Variants in CEMIP observed in about 807,000 individuals in gnomAD.
The protein encoded by CEMIP is cell migration inducing hyaluronidase 1, also known as cell migration-inducing and hyaluronan-binding protein.
A neutral mutation model predicts 156.9 loss-of-function variants in CEMIP; 105 were observed. The ratio of observed to expected loss-of-function variants is 0.67; its 90% CI spans 0.57 to 0.79. CEMIP has a LOEUF of 0.79. Ranked by LOEUF, CEMIP falls within the 30% of genes least tolerant of loss-of-function variation. The pLI is 0.00. For synonymous variants in CEMIP, 676 were observed against 668.4 expected (o/e 1.01, Z -0.17); for missense variants, 1,457 against 1,769.4 (o/e 0.82, Z 3.17).
intron 22 of CEMIP, 44 bp from the exon 23 acceptor site, chr15:80,933,201 C>T (rs1231347725): frequency 1.9e-5 from 30 of 1,547,700 alleles, no homozygotes; most frequent in Middle Eastern, 3.4e-4. Flanking sequence ...CTGCAGTTTC[C>T]CTTCACCTTC....
In CEMIP at chr15:80,929,118, T is replaced by G. The variant is rs1278631050; in HGVS notation, c.2556T>G (p.Asn852Lys). The change falls in exon 21 of 30, where the codon AAT becomes AAG. Residue 852 changes from asparagine to lysine, a missense_variant. By Grantham distance (94) the Asn-to-Lys change is moderately conservative. Around this residue, in one of 5 missense-constraint regions of CEMIP, gnomAD observed 798 missense variants for 980.1 expected, o/e 0.81. Transcript: ENST00000394685. Reference sequence around the variant, plus strand: ...ACGTGGGGACGGAAATGATGGACAATAGGATCTGGGGCCCTGGCGGCTTGG... The same window carrying G: ...ACGTGGGGACGGAAATGATGGACAAGAGGATCTGGGGCCCTGGCGGCTTGG... ...SGNVGTEMMD[N>K]RIWGPGGLDH... is the part of the protein sequence containing the mutation. 5.0e-6 allele frequency: 8 copies of G among 1,614,182 alleles called. No individual in the cohort carries two copies. The South Asian group carries it at 8.8e-5, about 18-fold the overall frequency.
chr15:80,868,342 A>T (rs1343645775), intron 1 of CEMIP, among the ~76,000 whole-genome samples: 2 of 152,158 alleles, frequency 1.3e-5, no homozygotes, highest in Non-Finnish European at 2.9e-5. Flanking sequence ...TTGGTGAGAG[A>T]TAGGCAGGGA....
chr15:80,927,647 A>G (rs915814540), intron 19 of CEMIP, among the ~76,000 whole-genome samples: 1 of 152,184 alleles, frequency 6.6e-6, no homozygotes, highest in Non-Finnish European at 1.5e-5. Context: ...AAGGTAGCCT[A>G]GGATCTGCCT....
intron 8 of CEMIP, 140 bp downstream of exon 8, chr15:80,887,904 C>T (rs1898904287): frequency 2.7e-6 from 2 of 739,612 alleles, no homozygotes; most frequent in Non-Finnish European, 4.7e-6. Context: ...AGCCGCTTAA[C>T]TGGCCACCTT....
At chr15:80,918,731 T>C (rs1418691589) in intron 14 of CEMIP, among the ~76,000 whole-genome samples, 4 of 152,162 alleles carry the variant, frequency 2.6e-5, no homozygotes, top group Non-Finnish European at 4.4e-5. Context: ...TGCCCCACTA[T>C]GGAACAGGCC....
At position 80,931,889 on chromosome 15, in the gene CEMIP, T is replaced by C. The variant is rs1400071606; in HGVS notation, c.2643T>C (p.Tyr881=). ...QNFPIRGIQL[Y]DGPINIQNCT... Reference sequence around the variant, plus strand: ...TTCCAATTAGAGGAATTCAGTTATATGATGGCCCCATCAACATCCAAAACT... The same window carrying C: ...TTCCAATTAGAGGAATTCAGTTATACGATGGCCCCATCAACATCCAAAACT... The change falls in exon 22 of 30, where the codon TAT becomes TAC. Residue 881 remains tyrosine, a synonymous_variant. Coordinates refer to ENST00000394685, the MANE Select transcript of CEMIP (RefSeq NM_001293298.2). 1.9e-6 allele frequency: 3 copies of C among 1,614,106 alleles called. No individual in the cohort carries two copies. The highest frequency in any genetic ancestry group is 2.5e-6 in the Non-Finnish European group (3 of 1,180,048).
intron 11 of CEMIP, 91 bp from the exon 12 acceptor site, chr15:80,895,778 T>G (rs1363127475): frequency 1.7e-6 from 2 of 1,164,230 alleles, no homozygotes; most frequent in East Asian, 2.4e-5. Flanking sequence ...TGGCATTTAG[T>G]TATTTAGGGA....
intron 1 of CEMIP, among the ~76,000 whole-genome samples, chr15:80,850,395 G>A (rs1897685101): frequency 6.6e-6 from 1 of 152,162 alleles, no homozygotes. Flanking sequence ...TCATGTCTCA[G>A]CCTCCCAAGT....
chr15:80,884,139 A>C (rs1280864610), intron 6 of CEMIP, 36 bp from the exon 7 acceptor site: 1 of 1,611,244 alleles, frequency 6.2e-7, no homozygotes, highest in Non-Finnish European at 8.5e-7. Flanking sequence ...GGCTGCGGTC[A>C]AGACTATTCA....
Position 80,836,073 on chromosome 15 carries a change from A to ATT in CEMIP, c.-175-37449_-175-37448dup, listed in dbSNP as rs55996446. On this transcript the variant is annotated intron_variant, in intron 1 of 29. Transcript: ENST00000394685. ...TATATTTAGAGATGAGACGGAAGTG[A>ATT]TTTTTTTTTTTTTTTTTGTATTCAG... Among the ~76,000 whole-genome samples the ATT allele has an allele frequency of 2.6e-3, 352 of 134,726 alleles. 1 individual carries two copies. The highest frequency in any genetic ancestry group is 7.8e-3 in the Middle Eastern group (2 of 258). 88.4% of individuals were successfully genotyped at this position (134,726 alleles called of 152,430 possible). A position where few individuals can be genotyped will look rare whatever the true frequency, so the allele number is the denominator to read the frequency against.
At chr15:80,819,870 G>A (rs1208683237) in intron 1 of CEMIP, among the ~76,000 whole-genome samples, 5 of 152,204 alleles carry the variant, frequency 3.3e-5, no homozygotes, top group Non-Finnish European at 7.3e-5. Flanking sequence ...CTGAGGCTCA[G>A]TTAAGTTGGT....
intron 12 of CEMIP, among the ~76,000 whole-genome samples, chr15:80,905,766 C>T (rs1395924): frequency 1 from 152,222 of 152,248 alleles, 76,099 homozygotes; most frequent in Non-Finnish European, 1. Flanking sequence ...GAAATGAAAT[C>T]ACTAGTGGAG....
At chr15:80,795,604 C>G (rs1896203414) in intron 1 of CEMIP, among the ~76,000 whole-genome samples, 1 of 152,102 alleles carries the variant, frequency 6.6e-6, no homozygotes, top group Non-Finnish European at 1.5e-5. Flanking sequence ...CACGGCCAAG[C>G]AAGAAACCTT....
chr15:80,902,228 G>A (rs1899593723), intron 12 of CEMIP, among the ~76,000 whole-genome samples: 1 of 152,220 alleles, frequency 6.6e-6, no homozygotes, highest in Non-Finnish European at 1.5e-5. Context: ...GTAAAGACTA[G>A]GGAAGGGTGA....
chr15:80,904,014 T>C (rs909539885), intron 12 of CEMIP, among the ~76,000 whole-genome samples: 1 of 152,176 alleles, frequency 6.6e-6, no homozygotes, highest in Non-Finnish European at 1.5e-5. Flanking sequence ...GGCTCCAGCA[T>C]TCTGCAGAGT....
intron 1 of CEMIP, among the ~76,000 whole-genome samples, chr15:80,796,699 C>T (rs1445754548): frequency 6.6e-6 from 1 of 151,570 alleles, no homozygotes. Context: ...ATTCAGCAAA[C>T]GTTTATTAAT....
At chr15:80,889,918 C>G (rs931072573) in intron 10 of CEMIP, among the ~76,000 whole-genome samples, 1 of 152,228 alleles carries the variant, frequency 6.6e-6, no homozygotes, top group Non-Finnish European at 1.5e-5. Flanking sequence ...CCTTAGGGAC[C>G]TTGAGTGCAC....
At chr15:80,805,802 A>G (rs1896499932) in intron 1 of CEMIP, among the ~76,000 whole-genome samples, 1 of 152,234 alleles carries the variant, frequency 6.6e-6, no homozygotes, top group Non-Finnish European at 1.5e-5. Flanking sequence ...TTCACAGGAA[A>G]AAGTTTTATC....
chr15:80,843,045 G>A (rs1222057570), intron 1 of CEMIP, among the ~76,000 whole-genome samples: 2 of 152,190 alleles, frequency 1.3e-5, no homozygotes, highest in South Asian at 2.1e-4. Context: ...ACCATACAAG[G>A]TGACCTTTAA....
Sources: allele counts gnomAD v4.1 joint callset (sites outside exome capture counted in the v4.1 genomes callset), GRCh38; gene constraint gnomAD v4.1.1; regional missense constraint gnomAD v4.1.1; transcripts MANE v1.5; gene names NCBI Gene and HGNC (gene_info 2026-07-23, HGNC 2026-07-21).